The following GCLM variants were observed in gnomAD, a reference collection of about 807,000 sequenced individuals.
The protein encoded by GCLM is glutamate-cysteine ligase modifier subunit, also known as glutamate--cysteine ligase regulatory subunit.
GCLM carries 15 observed loss-of-function variants against 36.0 expected under a neutral mutation model. The ratio of observed to expected loss-of-function variants is 0.42; its 90% CI spans 0.28 to 0.64. The LOEUF is 0.64. Among genes scored for constraint, GCLM ranks in the 30% least tolerant of loss-of-function variants. GCLM has a pLI of 0.25. For missense variants in GCLM, 242 were observed against 325.5 expected, an observed-to-expected ratio of 0.74 and a Z score of 1.97; for synonymous variants, 129 against 122.8, an observed-to-expected ratio of 1.05 and a Z score of -0.34.
chr1:93,889,846 G>A (rs980202300), intron 6 of GCLM, among the ~76,000 whole-genome samples: 3 of 150,800 alleles, frequency 2.0e-5, no homozygotes, highest in African/African-American at 7.3e-5. Flanking sequence ...AAACATTTAT[G>A]TTTTTCCTAA....
chr1:93,907,039 C>G (rs1221987813), intron 1 of GCLM, among the ~76,000 whole-genome samples: 1 of 152,074 alleles, frequency 6.6e-6, no homozygotes, highest in Non-Finnish European at 1.5e-5. Context: ...AACTCTTGAC[C>G]CAACACGTAC....
At chr1:93,908,360 GATT>G (rs1042389648) in intron 1 of GCLM, among the ~76,000 whole-genome samples, 111 of 152,206 alleles carry the variant, frequency 7.3e-4, no homozygotes, top group African/African-American at 2.4e-3. Flanking sequence ...TGAATTGATA[GATT>G]ATATTTGTAC....
At chr1:93,898,061 T>C (rs1392931700) in intron 3 of GCLM, among the ~76,000 whole-genome samples, 163 bp from the exon 4 acceptor site, 1 of 152,056 alleles carries the variant, frequency 6.6e-6, no homozygotes, top group Non-Finnish European at 1.5e-5. Flanking sequence ...AAGACATAAA[T>C]GTATAGTTCC....
Position 93,896,542 on chromosome 1 carries a change from G to C in GCLM, c.540+76C>G, listed in dbSNP as rs551308131. On this transcript the variant is annotated intron_variant, in intron 5 of 6. Transcript: ENST00000370238. ...CCGCAGGGGTGGCCACTATGTGCAT[G>C]ATGCTCAACAGTGTGCAGCAAAGAC... 9.6e-5 allele frequency: 113 copies of C among 1,181,198 alleles called. 1 individual carries two copies. The South Asian group carries it at 1.4e-3, about 15-fold the overall frequency. The allele number at this position is 1,181,198 out of a possible 1,614,324, so 73.2% of individuals were successfully genotyped here.
intron 6 of GCLM, among the ~76,000 whole-genome samples, chr1:93,893,041 C>T (rs183296733): frequency 2.5e-4 from 38 of 152,262 alleles, no homozygotes; most frequent in Admixed American, 2.2e-3. Flanking sequence ...GAAAGCTCTA[C>T]TGGGAAGGCA....
chr1:93,896,558 C>T (rs1259163151), intron 5 of GCLM, 60 bp downstream of exon 5: 3 of 1,307,216 alleles, frequency 2.3e-6, no homozygotes, highest in East Asian at 4.6e-5. Flanking sequence ...CAACAGTGTG[C>T]AGCAAAGACT....
intron 1 of GCLM, chr1:93,908,784 C>T (rs763621937): frequency 1.0e-5 from 3 of 300,688 alleles, no homozygotes; most frequent in Non-Finnish European, 1.8e-5. Context: ...TGCTACCAGC[C>T]TTAAGCACCG....
chr1:93,889,233 A>T, intron 6 of GCLM, 74 bp from the exon 7 acceptor site: 1 of 986,010 alleles, frequency 1.0e-6, no homozygotes. Context: ...GTATGTAGGT[A>T]AGCATTTAAC....
chr1:93,888,016 T>C lies in GCLM; in HGVS notation c.*974A>G, dbSNP rs1656385114. On this transcript the variant is annotated 3_prime_UTR_variant, in exon 7 of 7. Coordinates refer to ENST00000370238, the MANE Select transcript of GCLM (RefSeq NM_002061.4). Reference sequence around the variant, plus strand: ...CTCAAAGTTGTTTAAGTAGATAATGTCGGCCCTGAATTAAGGATTTTTTTT... The same window carrying C: ...CTCAAAGTTGTTTAAGTAGATAATGCCGGCCCTGAATTAAGGATTTTTTTT... The C allele has an allele frequency of 6.6e-6, 1 of 152,244 alleles. No individual in the cohort carries two copies. Among genetic ancestry groups the C allele is most frequent in the African/African-American group, 2.4e-5 (1 of 41,468 alleles). The allele number at this position is 152,244 out of a possible 1,614,324, so 9.4% of individuals were successfully genotyped here.
rs1159747827 is a variant in GCLM at position 93,886,359 on chromosome 1, C to T, written c.*2631G>A. On this transcript the variant is annotated 3_prime_UTR_variant, in exon 7 of 7. Coordinates refer to ENST00000370238, the MANE Select transcript of GCLM (RefSeq NM_002061.4). The stretch of plus-strand genomic sequence containing the variant: ...TTTAAGTAATTATTTGGTAGTATTA[C>T]CACTCTCTATTTTATGGCTTTTTAA... 1 of 152,004 alleles carries T rather than the reference C, an allele frequency of 6.6e-6. No individual in the cohort carries two copies. The highest frequency in any genetic ancestry group is 1.5e-5 in the Non-Finnish European group (1 of 67,990). The allele number at this position is 152,004 out of a possible 1,614,324, so 9.4% of individuals were successfully genotyped here.
At chr1:93,901,764 A>G (rs1024556234) in intron 2 of GCLM, 95 bp from the exon 3 acceptor site, 47 of 690,942 alleles carry the variant, frequency 6.8e-5, no homozygotes, top group Middle Eastern at 4.1e-4. Flanking sequence ...TTAGAATCAG[A>G]GAACCTATAA....
rs1270023535 is a variant in GCLM, at chr1:93,908,712, C to T, written c.126+326G>A. 2.1e-5 allele frequency: 4 copies of T among 194,124 alleles called. No individual in the cohort carries two copies. In the South Asian group the frequency reaches 5.4e-4, roughly 26 times the overall value. The allele number at this position is 194,124 out of a possible 1,614,324, so 12.0% of individuals were successfully genotyped here. ...GCGAGAGATGTGGAGAGAGACGGAG[C>T]GACGTCCTGGCCCTCTGTGACCTCC... On this transcript the variant is annotated intron_variant, in intron 1 of 6. Transcript: ENST00000370238.
chr1:93,897,616 T>G (rs1427829678), intron 4 of GCLM, among the ~76,000 whole-genome samples: 3 of 152,142 alleles, frequency 2.0e-5, no homozygotes, highest in Non-Finnish European at 4.4e-5. Flanking sequence ...AGTGAACATT[T>G]AAGTACATTA....
intron 5 of GCLM, among the ~76,000 whole-genome samples, chr1:93,895,728 C>T (rs1656702350): frequency 6.6e-6 from 1 of 152,050 alleles, no homozygotes; most frequent in East Asian, 1.9e-4. Flanking sequence ...TAAAGAAATA[C>T]TGAGAGTAAA....
At position 93,886,274 on chromosome 1, in the gene GCLM, G is replaced by C. The variant is rs1410929077; in HGVS notation, c.*2716C>G. On this transcript the variant is annotated 3_prime_UTR_variant, in exon 7 of 7. Coordinates refer to ENST00000370238, the MANE Select transcript of GCLM (RefSeq NM_002061.4). Reference sequence around the variant, plus strand: ...ATAAACTTTCTACCTTGGTCTCACTGGATGCACATCTCCTCAGAAAACATC... The same window carrying C: ...ATAAACTTTCTACCTTGGTCTCACTCGATGCACATCTCCTCAGAAAACATC... The C allele has an allele frequency of 2.0e-5, 3 of 151,806 alleles. No individual in the cohort carries two copies. Among genetic ancestry groups the C allele is most frequent in the Non-Finnish European group, 4.4e-5 (3 of 67,938 alleles). The allele number at this position is 151,806 out of a possible 1,614,324, so 9.4% of individuals were successfully genotyped here. A position where few individuals can be genotyped will look rare whatever the true frequency, so the allele number is the denominator to read the frequency against.
At chr1:93,904,739 T>C (rs1657081089) in intron 1 of GCLM, 151 bp from the exon 2 acceptor site, 3 of 606,496 alleles carry the variant, frequency 4.9e-6, no homozygotes, top group South Asian at 4.0e-5. Flanking sequence ...TACAAGGTTT[T>C]TGTTTCCTTC....
At position 93,909,197 on chromosome 1, in the gene GCLM, G is replaced by T; in HGVS notation, c.-34C>A. On this transcript the variant is annotated 5_prime_UTR_variant, in exon 1 of 7. Coordinates refer to ENST00000370238, the MANE Select transcript of GCLM (RefSeq NM_002061.4). ...CCGCCCAGGGGCCGCGCAGCGAAGG[G>T]GCTGCGGGCGGGCGGGCAGGCAGGC... 8.5e-7 allele frequency: 1 copy of T among 1,178,992 alleles called. No homozygotes were observed. The highest frequency in any genetic ancestry group is 1.0e-6 in the Non-Finnish European group (1 of 956,496). The allele number at this position is 1,178,992 out of a possible 1,614,324, so 73.0% of individuals were successfully genotyped here. A position where few individuals can be genotyped will look rare whatever the true frequency, so the allele number is the denominator to read the frequency against.
rs1442864027 is a variant in GCLM, at chr1:93,887,863, A to G, written c.*1127T>C. The stretch of plus-strand genomic sequence containing the variant: ...AGATTTATAGTGTACATCAAAGTTC[A>G]TAGCTTATTTATTTGCAATTTTGTG... On this transcript the variant is annotated 3_prime_UTR_variant, in exon 7 of 7. Coordinates refer to ENST00000370238, the MANE Select transcript of GCLM (RefSeq NM_002061.4). 8 of 152,226 alleles carry G rather than the reference A, an allele frequency of 5.3e-5. No homozygotes were observed. Among genetic ancestry groups the G allele is most frequent in the African/African-American group, 1.4e-4 (6 of 41,458 alleles). 9.4% of individuals were successfully genotyped at this position (152,226 alleles called of 1,614,324 possible). A position where few individuals can be genotyped will look rare whatever the true frequency, so the allele number is the denominator to read the frequency against.
chr1:93,895,702 G>A (rs929178970), intron 5 of GCLM, among the ~76,000 whole-genome samples: 1 of 152,082 alleles, frequency 6.6e-6, no homozygotes, highest in African/African-American at 2.4e-5. Flanking sequence ...GAAGGCTGAA[G>A]AAGAAGTAAA....
Sources: allele counts gnomAD v4.1 joint callset (sites outside exome capture counted in the v4.1 genomes callset), GRCh38; gene constraint gnomAD v4.1.1; transcripts MANE v1.5; gene names NCBI Gene and HGNC (gene_info 2026-07-23, HGNC 2026-07-21).